The following GPC5 variants were observed in gnomAD, a reference collection of about 807,000 sequenced individuals.
GPC5 encodes the protein glypican 5, also known as glypican-5.
GPC5 carries 47 observed loss-of-function variants against 53.9 expected under a neutral mutation model. The observed-to-expected ratio is 0.87, with a 90% confidence interval of 0.69 to 1.11. GPC5 has a LOEUF of 1.11. Among genes scored for constraint, GPC5 ranks in the 50% most tolerant of loss-of-function variants. The pLI is 0.00. For missense variants in GPC5, 748 were observed against 713.1 expected (o/e 1.05, Z -0.56); for synonymous variants, 286 against 263.3 (o/e 1.09, Z -0.84).
chr13:91,963,511 G>C (rs2040146154), intron 6 of GPC5, among the ~76,000 whole-genome samples: 2 of 152,146 alleles, frequency 1.3e-5, no homozygotes, highest in African/African-American at 4.8e-5. Context: ...TGGAAGGCCT[G>C]AACAACCTTG....
At chr13:92,295,981 A>G (rs751109141) in intron 7 of GPC5, among the ~76,000 whole-genome samples, 2 of 152,190 alleles carry the variant, frequency 1.3e-5, no homozygotes, top group Non-Finnish European at 2.9e-5. Context: ...GTGAGGTACC[A>G]TTCCATTCAT....
At position 91,981,044 on chromosome 13, in the gene GPC5, A is replaced by T. The variant is rs76648831; in HGVS notation, c.1401+72987A>T. Among the ~76,000 whole-genome samples the T allele has an allele frequency of 2.5e-3, 380 of 152,318 alleles. 7 individuals are homozygous for T. Among genetic ancestry groups the T allele is most frequent in the East Asian group, 0.022 (115 of 5,190 alleles). On this transcript the variant is annotated intron_variant, in intron 6 of 7. Transcript: ENST00000377067. ...TTCTTTGCAGTGTGGGTCTATTATG[A>T]ATCGTGCTGCTAAGAGTATTATTGT... is the stretch of plus-strand genomic sequence containing the variant.
chr13:91,472,153 T>A (rs1488808751), intron 2 of GPC5, among the ~76,000 whole-genome samples: 1 of 152,168 alleles, frequency 6.6e-6, no homozygotes, highest in Non-Finnish European at 1.5e-5. Context: ...AAAAGTTACA[T>A]CTTATATTTG....
intron 7 of GPC5, among the ~76,000 whole-genome samples, chr13:92,486,124 T>C (rs1273472668): frequency 3.3e-5 from 5 of 152,208 alleles, no homozygotes; most frequent in African/African-American, 1.2e-4. Context: ...CATTCTGTAT[T>C]GTCTCCCTAA....
chr13:92,853,303 C>T (rs1412925425), intron 7 of GPC5, among the ~76,000 whole-genome samples: 4 of 150,286 alleles, frequency 2.7e-5, no homozygotes, highest in Admixed American at 6.6e-5. Context: ...AGAGAGTCTA[C>T]ATTCACATGA....
chr13:92,332,408 G>C (rs2043294193), intron 7 of GPC5, among the ~76,000 whole-genome samples: 2 of 152,126 alleles, frequency 1.3e-5, no homozygotes, highest in Non-Finnish European at 2.9e-5. Flanking sequence ...AATGTTAATT[G>C]CATGGGATTT....
intron 1 of GPC5, among the ~76,000 whole-genome samples, chr13:91,406,286 A>G (rs1023125738): frequency 3.3e-5 from 5 of 152,168 alleles, no homozygotes; most frequent in Non-Finnish European, 7.3e-5. Context: ...TTCTTAAGTT[A>G]AACTCTAGAC....
intron 6 of GPC5, among the ~76,000 whole-genome samples, chr13:91,993,332 C>A (rs747148806): frequency 6.6e-6 from 1 of 152,002 alleles, no homozygotes. Flanking sequence ...GTTATGTTTA[C>A]CCTCATAACT....
chr13:92,390,124 T>C (rs1874927470), intron 7 of GPC5, among the ~76,000 whole-genome samples: 1 of 152,128 alleles, frequency 6.6e-6, no homozygotes, highest in African/African-American at 2.4e-5. Flanking sequence ...TAATTTACAG[T>C]GCAAACCACA....
chr13:91,810,110 T>A (rs1505565), intron 5 of GPC5, among the ~76,000 whole-genome samples: 78,210 of 151,752 alleles, frequency 0.52, 20,780 homozygotes, highest in East Asian at 0.73. Context: ...GAGAATTCAG[T>A]AAATAAAAAC....
At chr13:92,296,947 A>G (rs2043040330) in intron 7 of GPC5, among the ~76,000 whole-genome samples, 1 of 151,244 alleles carries the variant, frequency 6.6e-6, no homozygotes, top group Non-Finnish European at 1.5e-5. Flanking sequence ...TGAGCCTCCC[A>G]CCCCCTCCAT....
At chr13:91,743,452 A>G (rs1429144434) in intron 4 of GPC5, among the ~76,000 whole-genome samples, 1 of 152,206 alleles carries the variant, frequency 6.6e-6, no homozygotes, top group Admixed American at 6.5e-5. Context: ...CTATAGCAAG[A>G]GTATCAAGCA....
At chr13:91,950,165 A>T (rs2040013279) in intron 6 of GPC5, among the ~76,000 whole-genome samples, 1 of 151,660 alleles carries the variant, frequency 6.6e-6, no homozygotes, top group African/African-American at 2.4e-5. Context: ...AATTTTCACT[A>T]TACCTCTTTT....
chr13:92,519,007 C>A (rs1345833707), intron 7 of GPC5, among the ~76,000 whole-genome samples: 1 of 152,034 alleles, frequency 6.6e-6, no homozygotes. Context: ...GACTTTAAAC[C>A]AACAAAGATC....
chr13:92,010,092 A>G (rs1245145781), intron 6 of GPC5, among the ~76,000 whole-genome samples: 1 of 152,184 alleles, frequency 6.6e-6, no homozygotes, highest in Admixed American at 6.5e-5. Flanking sequence ...CATCTTCCTC[A>G]GGTATTTCTA....
intron 5 of GPC5, among the ~76,000 whole-genome samples, chr13:91,846,671 T>G (rs1241805941): frequency 6.6e-6 from 1 of 152,092 alleles, no homozygotes; most frequent in African/African-American, 2.4e-5. Flanking sequence ...TTCTAAATAC[T>G]TGGATACCTC....
chr13:92,765,256 T>C (rs1436110636), intron 7 of GPC5, among the ~76,000 whole-genome samples: 1 of 152,198 alleles, frequency 6.6e-6, no homozygotes, highest in Non-Finnish European at 1.5e-5. Flanking sequence ...TACAGCCTGA[T>C]GAATTTAAGA....
At chr13:92,036,853 A>G (rs889575465) in intron 6 of GPC5, among the ~76,000 whole-genome samples, 2 of 152,174 alleles carry the variant, frequency 1.3e-5, no homozygotes, top group African/African-American at 4.8e-5. Flanking sequence ...CCTTCAGTAT[A>G]TAACCACCAT....
chr13:91,502,874 G>T (rs1236623452), intron 2 of GPC5, among the ~76,000 whole-genome samples: 1 of 152,182 alleles, frequency 6.6e-6, no homozygotes, highest in Non-Finnish European at 1.5e-5. Flanking sequence ...GTGAAGCCAA[G>T]ATTTGAACCT....
Sources: gnomAD v4.1 joint callset for allele counts (sites outside exome capture counted in the v4.1 genomes callset) on GRCh38, gnomAD v4.1.1 for gene constraint, MANE v1.5 for transcripts, NCBI Gene and HGNC (gene_info 2026-07-23, HGNC 2026-07-21) for gene names.